The following SUN5 variants were observed in gnomAD, a reference collection of about 807,000 sequenced individuals.
The protein encoded by SUN5 is SUN domain-containing protein 5.
Under a neutral mutation model 53.7 loss-of-function variants are expected in SUN5, and 44 were observed. The observed-to-expected ratio is 0.82, with a 90% CI of 0.64 to 1.05. The LOEUF (loss-of-function observed/expected upper bound fraction) is 1.05, where lower values mean the gene tolerates loss of function less well. Among genes scored for constraint, SUN5 ranks in the 50% least tolerant of loss-of-function variants. The probability of loss-of-function intolerance (pLI) is 0.00; values close to 1 mark genes in which losing one functional copy is unlikely to be tolerated. For missense variants in SUN5, 433 were observed against 483.8 expected (o/e 0.90, Z 0.98); for synonymous variants, 166 against 179.8 (o/e 0.92, Z 0.62).
chr20:32,990,673 G>A (rs182799514), intron 8 of SUN5, among the ~76,000 whole-genome samples: 156 of 152,320 alleles, frequency 1.0e-3, no homozygotes, highest in Admixed American at 1.9e-3. Context: ...ATCAACAGCC[G>A]TAACTGAGTC....
chr20:32,985,100 T>TG lies in SUN5; in HGVS notation c.982dup (p.Gln328ProfsTer50), dbSNP rs747794184. On this transcript the variant is annotated frameshift_variant and splice_region_variant, in exon 12 of 13. Transcript: ENST00000356173. LOFTEE classifies it low-confidence loss of function (END_TRUNC). ...GCACAGGCAGCTCTTCGCAGGTACC[T>TG]GGAGTGGGAACATCTGGATGATGTT... is the stretch of plus-strand genomic sequence containing the variant. The TG allele has an allele frequency of 6.2e-7, 1 of 1,614,062 alleles. No individual in the cohort carries two copies. Among genetic ancestry groups the TG allele is most frequent in the Non-Finnish European group, 8.5e-7 (1 of 1,179,954 alleles).
chr20:32,984,837 C>T (rs941805917), intron 12 of SUN5, among the ~76,000 whole-genome samples: 9 of 152,228 alleles, frequency 5.9e-5, no homozygotes, highest in Admixed American at 3.3e-4. Flanking sequence ...CTGCTGTCCC[C>T]GGGAAGAAAC....
Position 33,004,387 on chromosome 20 carries a change from C to T in SUN5, c.-47G>A. 6.6e-7 allele frequency: 1 copy of T among 1,517,800 alleles called. No individual in the cohort carries two copies. Among genetic ancestry groups the T allele is most frequent in the Non-Finnish European group, 8.8e-7 (1 of 1,130,354 alleles). 94.0% of individuals were successfully genotyped at this position (1,517,800 alleles called of 1,614,324 possible). A position where few individuals can be genotyped will look rare whatever the true frequency, so the allele number is the denominator to read the frequency against. On this transcript the variant is annotated 5_prime_UTR_variant, in exon 1 of 13. Transcript: ENST00000356173. ...GGGATGGAGATGGGAACTCTGGGAG[C>T]TGGTGAGGAGGAAGGGGCTGATGCC...
chr20:33,003,322 C>T (rs6059012), intron 1 of SUN5, among the ~76,000 whole-genome samples: 45,925 of 151,654 alleles, frequency 0.3, 7,112 homozygotes, highest in Admixed American at 0.33. Flanking sequence ...GGGGTGGTTA[C>T]GAGGTAAGGG....
intron 10 of SUN5, among the ~76,000 whole-genome samples, chr20:32,986,766 C>G (rs1989552420): frequency 1.3e-5 from 2 of 152,198 alleles, no homozygotes; most frequent in Admixed American, 1.3e-4. Context: ...CCAAACCTGA[C>G]TGCAGCCAGC....
At chr20:32,989,936 C>T (rs767845172) in intron 8 of SUN5, among the ~76,000 whole-genome samples, 19 of 152,138 alleles carry the variant, frequency 1.2e-4, no homozygotes, top group East Asian at 3.9e-4. Context: ...ATGGAGGTCC[C>T]GGAGTCTCAG....
chr20:32,986,016 C>A, intron 10 of SUN5, 113 bp from the exon 11 acceptor site: 1 of 1,258,254 alleles, frequency 7.9e-7, no homozygotes, highest in Non-Finnish European at 1.1e-6. Context: ...TTCTTGTCTC[C>A]AAAGCTTGGC....
chr20:32,988,336 C>T (rs1021770780), intron 9 of SUN5, among the ~76,000 whole-genome samples: 6 of 152,232 alleles, frequency 3.9e-5, no homozygotes, highest in Admixed American at 2.0e-4. Context: ...TGGGGGTGCC[C>T]GAGTTGGAGG....
intron 3 of SUN5, among the ~76,000 whole-genome samples, chr20:33,001,641 T>TCCTCTCTC (rs1990041145): frequency 4.4e-5 from 3 of 67,446 alleles, no homozygotes; most frequent in Non-Finnish European, 9.3e-5. Context: ...TTCTTTCTTT[T>TCCTCTCTC]CCTCCCTCCC....
intron 4 of SUN5, 53 bp downstream of exon 4, chr20:33,001,159 C>T: frequency 6.5e-7 from 1 of 1,542,954 alleles, no homozygotes; most frequent in South Asian, 1.2e-5. Flanking sequence ...GTTATGGTCC[C>T]CAGCTGCCAT....
intron 12 of SUN5, 24 bp downstream of exon 12, chr20:32,985,075 G>C (rs1217377770): frequency 6.2e-7 from 1 of 1,612,746 alleles, no homozygotes. Flanking sequence ...CAGGTGCTCA[G>C]CACAGGCAGC....
In SUN5 at chr20:32,989,623, T is replaced by G. The variant is rs778788592; in HGVS notation, c.610A>C (p.Ile204Leu). ...IEKPDFALKSIGASIDFEHTS... is the reference protein window; with the variant it reads ...IEKPDFALKSLGASIDFEHTS... ...GGTGGGGAAGGGGGTCACCTACCTA[T>G]AGACTTCAGGGCAAAGTCTGGCTTT... is the stretch of plus-strand genomic sequence containing the variant. The change falls in exon 9 of 13, where the codon ATA becomes CTA. Residue 204 changes from isoleucine (I) to leucine (L), a missense_variant. Ile to Leu is a conservative substitution (Grantham distance 5). Coordinates refer to ENST00000356173, the MANE Select transcript of SUN5 (RefSeq NM_080675.4). 6.2e-7 allele frequency: 1 copy of G among 1,613,786 alleles called. No homozygotes were observed. Among genetic ancestry groups the G allele is most frequent in the South Asian group, 1.1e-5 (1 of 91,052 alleles).
At chr20:32,999,291 G>A (rs1407192469) in intron 5 of SUN5, among the ~76,000 whole-genome samples, 2 of 152,210 alleles carry the variant, frequency 1.3e-5, no homozygotes, top group Non-Finnish European at 2.9e-5. Context: ...TTCTAATAGC[G>A]TCACAATAAA....
intron 5 of SUN5, chr20:32,999,775 TA>T: frequency 2.6e-6 from 2 of 773,302 alleles, no homozygotes; most frequent in Non-Finnish European, 4.1e-6. Flanking sequence ...TTGGGAAAGC[TA>T]AGCTGTGTTG....
At chr20:32,989,792 G>C in intron 8 of SUN5, 94 bp from the exon 9 acceptor site, 2 of 1,051,120 alleles carry the variant, frequency 1.9e-6, no homozygotes, top group Non-Finnish European at 2.9e-6. Flanking sequence ...GCTGCAGGAC[G>C]CTGTCCTCTC....
chr20:32,985,228 G>T lies in SUN5; in HGVS notation c.898-43C>A, dbSNP rs1300684896. 7 of 1,583,886 alleles carry T rather than the reference G, an allele frequency of 4.4e-6. No individual in the cohort carries two copies. The African/African-American group carries it at 8.1e-5, about 18-fold the overall frequency. On this transcript the variant is annotated intron_variant, in intron 11 of 12. Transcript: ENST00000356173. The stretch of plus-strand genomic sequence containing the variant: ...AGGTGAAGGCGTCAGATACAAGCAG[G>T]GCCCTCAGAGGGTGTCTCCCCTCTC...
intron 12 of SUN5, among the ~76,000 whole-genome samples, chr20:32,984,892 C>T (rs1427045929): frequency 6.6e-6 from 1 of 152,210 alleles, no homozygotes; most frequent in African/African-American, 2.4e-5. Context: ...GGGGACATGG[C>T]CACAGGCGGT....
chr20:33,001,176 C>A, intron 4 of SUN5, 36 bp downstream of exon 4: 1 of 1,555,746 alleles, frequency 6.4e-7, no homozygotes, highest in Non-Finnish European at 8.7e-7. Flanking sequence ...CCATTTCCCA[C>A]TCCCCATCCA....
At chr20:32,994,395 T>C (rs546891698) in intron 8 of SUN5, among the ~76,000 whole-genome samples, 1 of 152,228 alleles carries the variant, frequency 6.6e-6, no homozygotes, top group South Asian at 2.1e-4. Flanking sequence ...ATACCCAAGA[T>C]AAAAAGCAGA....
Sources: allele counts gnomAD v4.1 joint callset (sites outside exome capture counted in the v4.1 genomes callset), GRCh38; gene constraint gnomAD v4.1.1; transcripts MANE v1.5; gene names NCBI Gene and HGNC (gene_info 2026-07-23, HGNC 2026-07-21).